PLRG1: variants seen among roughly 807,000 people sequenced by gnomAD.
PLRG1 encodes the protein pleiotropic regulator 1 (PRL1 homolog, Arabidopsis).
PLRG1 carries 28 observed loss-of-function variants against 74.9 expected under a neutral mutation model. The ratio of observed to expected loss-of-function variants is 0.37; its 90% confidence interval spans 0.28 to 0.51. The LOEUF (loss-of-function observed/expected upper bound fraction) is 0.51, where lower values mean the gene tolerates loss of function less well. PLRG1 is among the 20% of genes least tolerant of loss of function. PLRG1 has a pLI of 0.91. For missense variants in PLRG1, 445 were observed against 631.9 expected (o/e 0.70, Z 3.17); for synonymous variants, 197 against 212.4 (o/e 0.93, Z 0.63).
In PLRG1 at chr4:154,537,982, C is replaced by T. The variant is rs575083821; in HGVS notation, c.1278G>A (p.Val426=). The change falls in exon 13 of 15, where the codon GTG becomes GTA. Residue 426 remains valine, a synonymous_variant. Transcript: ENST00000499023. ...INTLTVNSDG[V]LVSGADNGTM... ...ATCTTATTTTACCTCCAGATACAAGCACTCCATCAGAATTTACCGTCAATG... is the reference window on the plus strand; with the variant it reads ...ATCTTATTTTACCTCCAGATACAAGTACTCCATCAGAATTTACCGTCAATG... 45 of 1,496,900 alleles carry T rather than the reference C, an allele frequency of 3.0e-5. No individual in the cohort carries two copies. The African/African-American group carries it at 3.9e-4, about 13-fold the overall frequency. The allele number at this position is 1,496,900 out of a possible 1,614,324, so 92.7% of individuals were successfully genotyped here. A position where few individuals can be genotyped will look rare whatever the true frequency, so the allele number is the denominator to read the frequency against.
At chr4:154,545,780 A>G in intron 6 of PLRG1, 56 bp downstream of exon 6, 2 of 1,001,992 alleles carry the variant, frequency 2.0e-6, no homozygotes, top group South Asian at 2.8e-5. Flanking sequence ...GAAGAGGGAA[A>G]TATGGCAACA....
At position 154,542,275 on chromosome 4, in the gene PLRG1, A is replaced by G; in HGVS notation, c.599T>C (p.Ile200Thr). The G allele has an allele frequency of 6.2e-7, 1 of 1,605,602 alleles. No homozygotes were observed. The highest frequency in any genetic ancestry group is 8.5e-7 in the Non-Finnish European group (1 of 1,172,300). ...TCGAACCCAGCCAAGATGCCCACTG[A>G]TAACCTGTATAAAACAAAGTAGAAT... is the stretch of plus-strand genomic sequence containing the variant. The part of the protein sequence containing the change: ...WHPPWKLYRV[I>T]SGHLGWVRCI... The change falls in exon 8 of 15, where the codon ATC becomes ACC. Residue 200 changes from isoleucine (I) to threonine (T), a missense_variant. Coordinates refer to ENST00000499023, the MANE Select transcript of PLRG1 (RefSeq NM_002669.4).
In PLRG1 at chr4:154,536,370, A is replaced by AT. The variant is rs57816603; in HGVS notation, c.*314dup. The AT allele has an allele frequency of 1.5e-4, 28 of 191,552 alleles. No homozygotes were observed. Among genetic ancestry groups the AT allele is most frequent in the African/African-American group, 4.2e-4 (18 of 43,002 alleles). The allele number at this position is 191,552 out of a possible 1,614,324, so 11.9% of individuals were successfully genotyped here. On this transcript the variant is annotated 3_prime_UTR_variant, in exon 15 of 15. Coordinates refer to ENST00000499023, the MANE Select transcript of PLRG1 (RefSeq NM_002669.4). ...AATGTCCTAATTATCGGTTTCATAC[A>AT]TTTTTTTTAAAAAAGGGGGTTTTCT...
chr4:154,536,778 T>A lies in PLRG1; in HGVS notation c.1486-34A>T, dbSNP rs777075799. 58 of 1,199,152 alleles carry A rather than the reference T, an allele frequency of 4.8e-5. No individual in the cohort carries two copies. The Admixed American group carries it at 6.0e-4, about 12-fold the overall frequency. 74.3% of individuals were successfully genotyped at this position (1,199,152 alleles called of 1,614,324 possible). ...AGAAAAGTGAGTTAAAATAAAGTAT[T>A]ATTAGTTTGCTTCATGTCTAATAGG... On this transcript the variant is annotated intron_variant, in intron 14 of 14. Transcript: ENST00000499023.
At chr4:154,549,012 C>A (rs1188538622) in intron 1 of PLRG1, 77 bp from the exon 2 acceptor site, 8 of 852,010 alleles carry the variant, frequency 9.4e-6, no homozygotes, top group Admixed American at 1.9e-5. Flanking sequence ...TGATTATACA[C>A]TTCACGTGTT....
intron 1 of PLRG1, among the ~76,000 whole-genome samples, chr4:154,550,092 G>T (rs925778836): frequency 2.0e-5 from 3 of 152,176 alleles, no homozygotes; most frequent in African/African-American, 7.2e-5. Context: ...CAGGCTTCGC[G>T]CCCAGGCTGA....
Position 154,540,624 on chromosome 4 carries a change from C to G in PLRG1, c.909G>C (p.Leu303Phe), listed in dbSNP as rs1729539454. Residue 303 changes from leucine to phenylalanine, a missense_variant, in exon 10 of 15, where the codon TTG becomes TTC. Coordinates refer to ENST00000499023, the MANE Select transcript of PLRG1 (RefSeq NM_002669.4). ...CAGTTGAATCTCGACTACAGGTTAC[C>G]AACACATCGATTGTCGGGTGCAAAT... ...GLDLHPTIDV[L>F]VTCSRDSTAR... The G allele has an allele frequency of 1.9e-6, 3 of 1,612,862 alleles. No individual in the cohort carries two copies. The highest frequency in any genetic ancestry group is 2.5e-6 in the Non-Finnish European group (3 of 1,179,022).
Position 154,537,415 on chromosome 4 carries a change from T to C in PLRG1, c.1356A>G (p.Ala452=). 1 of 1,613,380 alleles carries C rather than the reference T, an allele frequency of 6.2e-7. No individual in the cohort carries two copies. The highest frequency in any genetic ancestry group is 8.5e-7 in the Non-Finnish European group (1 of 1,179,498). The change falls in exon 14 of 15, where the codon GCA becomes GCG. Residue 452 remains alanine (A), a synonymous_variant. Transcript: ENST00000499023. ...RTGYNFQRVH[A]AVQPGSLDSE... ...TGTCCAAAGACCCAGGTTGCACAGC[T>C]GCGTGAACTCTCTGAAAATTGTAGC...
At chr4:154,545,649 C>T (rs1441519075) in intron 6 of PLRG1, among the ~76,000 whole-genome samples, 187 bp downstream of exon 6, 1 of 152,106 alleles carries the variant, frequency 6.6e-6, no homozygotes, top group Non-Finnish European at 1.5e-5. Flanking sequence ...ACACAATGTA[C>T]AAGTAGACAA....
At chr4:154,545,461 T>C (rs1578770351) in intron 6 of PLRG1, among the ~76,000 whole-genome samples, 1 of 152,130 alleles carries the variant, frequency 6.6e-6, no homozygotes, top group African/African-American at 2.4e-5. Context: ...AGCCCATGAA[T>C]AGTACAACAC....
At chr4:154,550,246 C>CAA in intron 1 of PLRG1, 54 bp downstream of exon 1, 1 of 1,363,868 alleles carries the variant, frequency 7.3e-7, no homozygotes, top group African/African-American at 1.5e-5. Context: ...CGCGCACTGC[C>CAA]AAAAAAAACA....
chr4:154,548,842 A>C lies in PLRG1; in HGVS notation c.103T>G (p.Leu35Val), dbSNP rs761685652. Residue 35 changes from leucine (L) to valine (V), a missense_variant, in exon 2 of 15, where the codon TTA (leucine) becomes GTA (valine). Physicochemically the swap from Leu to Val is conservative, Grantham distance 32. Around this residue, in one of 3 missense-constraint regions of PLRG1, gnomAD observed 18 missense variants for 43.4 expected, o/e 0.41. Transcript: ENST00000499023. ...AACTACACCAACCTCTCTTCATCTA[A>C]AGGCACAGGTTTTCCATTATCAGCT... ...FVADNGKPVP[L>V]DEESHKRKMA... 1 of 1,595,718 alleles carries C rather than the reference A, an allele frequency of 6.3e-7. No individual in the cohort carries two copies. The highest frequency in any genetic ancestry group is 8.6e-7 in the Non-Finnish European group (1 of 1,163,598).
intron 4 of PLRG1, chr4:154,546,623 T>C (rs998679504): frequency 3.3e-6 from 1 of 305,324 alleles, no homozygotes. Flanking sequence ...CTCTACCCTG[T>C]TACACTGGCC....
chr4:154,537,561 A>T lies in PLRG1; in HGVS notation c.1292-82T>A, dbSNP rs373939826. ...ACATTTATGAAGCATCATTAGCCCA[A>T]GCATGGGAATACTACGGTTATAAAA... On this transcript the variant is annotated intron_variant, in intron 13 of 14. Coordinates refer to ENST00000499023, the MANE Select transcript of PLRG1 (RefSeq NM_002669.4). The T allele has an allele frequency of 1.5e-5, 14 of 942,082 alleles. No individual in the cohort carries two copies. The African/African-American group carries it at 2.3e-4, about 15-fold the overall frequency. The allele number at this position is 942,082 out of a possible 1,614,324, so 58.4% of individuals were successfully genotyped here.
chr4:154,550,238 C>G (rs1468272145), intron 1 of PLRG1, 62 bp downstream of exon 1: 2 of 1,436,340 alleles, frequency 1.4e-6, no homozygotes, highest in Admixed American at 1.7e-5. Context: ...ATCCCCCACG[C>G]GCACTGCCAA....
At chr4:154,537,252 G>A (rs760688743) in intron 14 of PLRG1, 34 bp downstream of exon 14, 8 of 1,447,936 alleles carry the variant, frequency 5.5e-6, no homozygotes, top group Admixed American at 3.6e-5. Flanking sequence ...TGGTATAGCT[G>A]TTTTACTTAA....
chr4:154,536,593 A>T lies in PLRG1; in HGVS notation c.*92T>A, dbSNP rs1382190045. 2 of 696,726 alleles carry T rather than the reference A, an allele frequency of 2.9e-6. No individual in the cohort carries two copies. Among genetic ancestry groups the T allele is most frequent in the Non-Finnish European group, 5.1e-6 (2 of 395,674 alleles). The allele number at this position is 696,726 out of a possible 1,614,324, so 43.2% of individuals were successfully genotyped here. A position where few individuals can be genotyped will look rare whatever the true frequency, so the allele number is the denominator to read the frequency against. On this transcript the variant is annotated 3_prime_UTR_variant, in exon 15 of 15. Coordinates refer to ENST00000499023, the MANE Select transcript of PLRG1 (RefSeq NM_002669.4). ...ATTTCTCCTTTATATTCCCAGCCAGAGCACAAAATGACTGGATATCCTCAT... is the reference window on the plus strand; with the variant it reads ...ATTTCTCCTTTATATTCCCAGCCAGTGCACAAAATGACTGGATATCCTCAT...
In PLRG1 at chr4:154,539,944, A is replaced by C. The variant is rs371731422; in HGVS notation, c.1042+7T>G. ...TATTCTGTAAACTTGAAAAGTATCG[A>C]TCATACCTGTAATAATTTGTGGTTC... is the stretch of plus-strand genomic sequence containing the variant. On this transcript the variant is annotated splice_region_variant and intron_variant, in intron 11 of 14. Coordinates refer to ENST00000499023, the MANE Select transcript of PLRG1 (RefSeq NM_002669.4). The C allele has an allele frequency of 2.7e-5, 36 of 1,321,392 alleles. No individual in the cohort carries two copies. The highest frequency in any genetic ancestry group is 1.4e-5 in the African/African-American group (1 of 69,612). 81.9% of individuals were successfully genotyped at this position (1,321,392 alleles called of 1,614,324 possible).
intron 4 of PLRG1, 95 bp from the exon 5 acceptor site, chr4:154,546,308 G>A: frequency 3.0e-6 from 2 of 677,884 alleles, no homozygotes; most frequent in Non-Finnish European, 5.3e-6. Context: ...TACACCAAAT[G>A]TTTATTATCT....
Sources: allele counts gnomAD v4.1 joint callset (sites outside exome capture counted in the v4.1 genomes callset), GRCh38; gene constraint gnomAD v4.1.1; regional missense constraint gnomAD v4.1.1; transcripts MANE v1.5; gene names NCBI Gene and HGNC (gene_info 2026-07-23, HGNC 2026-07-21).